The following APOOL variants were observed in gnomAD, a reference collection of about 807,000 sequenced individuals.
The protein encoded by APOOL is apolipoprotein O like, also known as MICOS complex subunit MIC27.
Under a neutral mutation model 23.1 loss-of-function variants are expected in APOOL, and 12 were observed. That is an observed-to-expected ratio of 0.52 (90% CI 0.33 to 0.84). The LOEUF is 0.84. Among genes scored for constraint, APOOL ranks in the 40% least tolerant of loss-of-function variants. APOOL has a pLI of 0.02. For missense variants in APOOL, 212 were observed against 199.6 expected, an observed-to-expected ratio of 1.06 and a Z score of -0.37; for synonymous variants, 77 against 69.9, an observed-to-expected ratio of 1.10 and a Z score of -0.51.
chrX:85,021,217 C>T, intron 1 of APOOL, among the ~76,000 whole-genome samples: 1 of 110,495 alleles, frequency 9.1e-6, no homozygotes, highest in East Asian at 2.9e-4. Flanking sequence ...ACCCAGGCTC[C>T]AGGAACACCC....
chrX:85,004,457 T>C (rs1473964896), intron 1 of APOOL, among the ~76,000 whole-genome samples: 1 of 111,754 alleles, frequency 8.9e-6, no homozygotes, highest in Non-Finnish European at 1.9e-5. Flanking sequence ...AGTTTTACGC[T>C]TGGGAAAGGT....
intron 6 of APOOL, among the ~76,000 whole-genome samples, chrX:85,070,856 T>TA (rs1249833807): frequency 9.0e-6 from 1 of 110,872 alleles, no homozygotes; most frequent in African/African-American, 3.3e-5. Context: ...CTTGAAGAGA[T>TA]ATATGCACCT....
chrX:85,076,242 C>T (rs764228044), intron 8 of APOOL, among the ~76,000 whole-genome samples: 304 of 111,014 alleles, frequency 2.7e-3, no homozygotes, highest in African/African-American at 9.4e-3. Context: ...ACACGCAGTA[C>T]ATAACAATAT....
intron 2 of APOOL, among the ~76,000 whole-genome samples, chrX:85,050,708 G>A (rs1433468898): frequency 1.8e-5 from 2 of 109,036 alleles, no homozygotes; most frequent in Non-Finnish European, 3.8e-5. Context: ...ATACTAATTA[G>A]AATCAAAAGG....
Position 85,028,695 on chromosome X carries a change from C to G in APOOL, c.16-17751C>G, listed in dbSNP as rs143278587. On this transcript the variant is annotated intron_variant, in intron 1 of 8. Coordinates refer to ENST00000373173, the MANE Select transcript of APOOL (RefSeq NM_198450.6). ...ATCTCCCCTTACCCCTATCACTATC[C>G]TTCCCAGCCTCTGGTAATCATCCTT... 4.7e-3 allele frequency among the ~76,000 whole-genome samples: 477 copies of G among 102,501 alleles called. 11 individuals are homozygous for G. The Admixed American group carries it at 0.047, about 10-fold the overall frequency. The allele number at this position is 102,501 out of a possible 115,157, so 89.0% of individuals were successfully genotyped here.
chrX:85,064,289 G>A (rs1923355624), intron 5 of APOOL, among the ~76,000 whole-genome samples: 1 of 105,373 alleles, frequency 9.5e-6, no homozygotes, highest in Non-Finnish European at 1.9e-5. Flanking sequence ...GTAGCTAGCA[G>A]TCTATTTTAT....
intron 1 of APOOL, among the ~76,000 whole-genome samples, chrX:85,035,801 G>A (rs1359066159): frequency 9.0e-6 from 1 of 111,000 alleles, no homozygotes; most frequent in Non-Finnish European, 1.9e-5. Context: ...CATCTGACCT[G>A]GGTTCTCTAA....
At chrX:85,072,108 CA>C (rs1007719854) in intron 6 of APOOL, among the ~76,000 whole-genome samples, 18 of 108,392 alleles carry the variant, frequency 1.7e-4, no homozygotes, top group Non-Finnish European at 3.1e-4. Context: ...GACTCCGTCT[CA>C]AAAAAAACAA....
Position 85,059,014 on chromosome X carries a change from C to A in APOOL, c.394+3089C>A, listed in dbSNP as rs1387398021. ...TTAGCATTAGCTATATCTCCTAATG[C>A]TATCCCTCCCCCCGCCCCCCACCCC... On this transcript the variant is annotated intron_variant, in intron 5 of 8. Transcript: ENST00000373173. Among the ~76,000 whole-genome samples, 3 of 96,703 alleles carry A rather than the reference C, an allele frequency of 3.1e-5. No individual in the cohort carries two copies. The East Asian group carries it at 1.1e-3, about 34-fold the overall frequency. The allele number at this position is 96,703 out of a possible 115,157, so 84.0% of individuals were successfully genotyped here.
intron 1 of APOOL, among the ~76,000 whole-genome samples, chrX:85,021,185 G>A (rs1302735094): frequency 9.2e-6 from 1 of 108,973 alleles, no homozygotes; most frequent in Admixed American, 9.7e-5. Context: ...AGTAGACACC[G>A]CTAGTGGATT....
intron 6 of APOOL, among the ~76,000 whole-genome samples, chrX:85,071,742 T>C (rs1923669314): frequency 8.9e-6 from 1 of 111,823 alleles, no homozygotes; most frequent in Admixed American, 9.6e-5. Context: ...AATGGATACA[T>C]GAAAAACTTG....
In APOOL at chrX:85,089,205, C is replaced by T. The variant is rs776116682; in HGVS notation, c.*1527C>T. ...CACTGCAACCTCCACCTCCCAGGAT[C>T]AAGCAATCCTCCCATCTCACCCTCC... On this transcript the variant is annotated 3_prime_UTR_variant, in exon 9 of 9. Coordinates refer to ENST00000373173, the MANE Select transcript of APOOL (RefSeq NM_198450.6). 1 of 110,926 alleles carries T rather than the reference C, an allele frequency of 9.0e-6. No individual in the cohort carries two copies. The highest frequency in any genetic ancestry group is 2.9e-4 in the East Asian group (1 of 3,478). The allele number at this position is 110,926 out of a possible 1,213,427, so 9.1% of individuals were successfully genotyped here. A position where few individuals can be genotyped will look rare whatever the true frequency, so the allele number is the denominator to read the frequency against.
At chrX:85,062,668 C>G (rs1376126437) in intron 5 of APOOL, among the ~76,000 whole-genome samples, 5 of 111,169 alleles carry the variant, frequency 4.5e-5, no homozygotes, top group Admixed American at 9.6e-5. Context: ...TGTCAAAGAT[C>G]AGATGGTTGT....
Position 85,093,166 on chromosome X carries a change from T to C in APOOL, c.*5488T>C. The C allele has an allele frequency of 8.7e-7, 1 of 1,146,957 alleles. No homozygotes were observed. Among genetic ancestry groups the C allele is most frequent in the East Asian group, 3.3e-5 (1 of 30,564 alleles). 94.5% of individuals were successfully genotyped at this position (1,146,957 alleles called of 1,213,427 possible). ...AAAAGGTTAATGTATAGAATATCAA[T>C]ACTAATTGTAATACATACCTGACTT... On this transcript the variant is annotated 3_prime_UTR_variant, in exon 9 of 9. Transcript: ENST00000373173.
At chrX:85,064,514 T>C (rs773573917) in intron 5 of APOOL, among the ~76,000 whole-genome samples, 10 of 110,291 alleles carry the variant, frequency 9.1e-5, no homozygotes, top group African/African-American at 3.3e-4. Flanking sequence ...GATGTGGGCA[T>C]TTAGTGCTAT....
chrX:85,050,983 A>T (rs1272467480), intron 2 of APOOL, among the ~76,000 whole-genome samples: 2 of 110,428 alleles, frequency 1.8e-5, no homozygotes, highest in African/African-American at 6.6e-5. Flanking sequence ...TGTTGCTGTA[A>T]TTTTTATATT....
intron 1 of APOOL, among the ~76,000 whole-genome samples, chrX:85,036,682 G>C (rs781242451): frequency 1.1e-4 from 12 of 111,538 alleles, no homozygotes; most frequent in Non-Finnish European, 1.7e-4. Context: ...ATGAAGGGTT[G>C]TTGAATTTTA....
intron 1 of APOOL, among the ~76,000 whole-genome samples, chrX:85,006,622 A>G (rs933295402): frequency 1.8e-5 from 2 of 111,199 alleles, no homozygotes; most frequent in African/African-American, 6.5e-5. Flanking sequence ...GAGACAAGGG[A>G]AAATGTACCA....
Position 85,068,462 on chromosome X carries a change from A to G in APOOL, c.486+1244A>G, listed in dbSNP as rs761799052. ...TCTCTGTCACCCAGGCTGGAGTGCA[A>G]TGGCCCAATCTTGGCTCACTGTAGC... is the stretch of plus-strand genomic sequence containing the variant. On this transcript the variant is annotated intron_variant, in intron 6 of 8. Transcript: ENST00000373173. 2.9e-5 allele frequency among the ~76,000 whole-genome samples: 3 copies of G among 101,984 alleles called. No individual in the cohort carries two copies. In the South Asian group the frequency reaches 1.4e-3, roughly 48 times the overall value. The allele number at this position is 101,984 out of a possible 115,157, so 88.6% of individuals were successfully genotyped here.
Sources: allele counts gnomAD v4.1 joint callset (sites outside exome capture counted in the v4.1 genomes callset), GRCh38; gene constraint gnomAD v4.1.1; transcripts MANE v1.5; gene names NCBI Gene and HGNC (gene_info 2026-07-23, HGNC 2026-07-21).